The following CFAP57 variants were observed in gnomAD, a reference collection of about 807,000 sequenced individuals.
The protein encoded by CFAP57 is cilia- and flagella-associated protein 57.
Under a neutral mutation model 146.8 loss-of-function variants are expected in CFAP57, and 116 were observed. The observed-to-expected ratio is 0.79, with a 90% confidence interval of 0.68 to 0.92. The LOEUF is 0.92. CFAP57 is among the 40% of genes least tolerant of loss of function. The pLI, the probability that CFAP57 is intolerant of heterozygous loss-of-function variation, is 0.00. For missense variants in CFAP57, 1,377 were observed against 1,527.2 expected (o/e 0.90, Z 1.64); for synonymous variants, 518 against 552.8 (o/e 0.94, Z 0.88).
intron 6 of CFAP57, among the ~76,000 whole-genome samples, chr1:43,195,842 T>C (rs1643844158): frequency 6.6e-6 from 1 of 152,202 alleles, no homozygotes; most frequent in South Asian, 2.1e-4. Context: ...GGTGCCTACT[T>C]ATCATAGGGA....
chr1:43,172,424 G>A lies in CFAP57; in HGVS notation c.-49G>A, dbSNP rs1447626691. ...ACAGGTAGCGCCTCTGGATACATGC[G>A]TGGTCTGCTGACCCAGAGAGAAACG... On this transcript the variant is annotated 5_prime_UTR_variant, in exon 1 of 23. In the 5' UTR this introduces an upstream ATG that the reference lacks. Transcript: ENST00000372492. 3.2e-6 allele frequency: 5 copies of A among 1,551,132 alleles called. No individual in the cohort carries two copies. Among genetic ancestry groups the A allele is most frequent in the Middle Eastern group, 1.7e-4 (1 of 5,966 alleles).
intron 12 of CFAP57, among the ~76,000 whole-genome samples, chr1:43,218,100 C>T (rs1273430530): frequency 6.6e-6 from 1 of 152,176 alleles, no homozygotes; most frequent in Non-Finnish European, 1.5e-5. Flanking sequence ...GTGCGTAATC[C>T]ATTCCTTGAT....
intron 15 of CFAP57, 52 bp downstream of exon 15, chr1:43,222,347 AT>A: frequency 8.0e-6 from 11 of 1,375,328 alleles, no homozygotes; most frequent in Non-Finnish European, 1.0e-5. Flanking sequence ...AAAGCCACCC[AT>A]TCACTCAGAT....
chr1:43,243,290 C>G lies in CFAP57; in HGVS notation c.3469C>G (p.Gln1157Glu), dbSNP rs1645995560. Residue 1157 changes from glutamine to glutamate, a missense_variant, in exon 22 of 23, where the codon CAA (glutamine) becomes GAA (glutamate). Transcript: ENST00000372492. ...CAGGGAGCTGAAGTTCACTCGGTCC[C>G]AAGTCTATGACCTTGAAGCAGCTCT... is the stretch of plus-strand genomic sequence containing the variant. ...LRRELKFTRS[Q>E]VYDLEAALKL... 6.5e-7 allele frequency: 1 copy of G among 1,549,986 alleles called. No homozygotes were observed.
At position 43,209,858 on chromosome 1, in the gene CFAP57, C is replaced by T. The variant is rs780313533; in HGVS notation, c.1871C>T (p.Pro624Leu). The T allele has an allele frequency of 3.7e-6, 6 of 1,614,248 alleles. No homozygotes were observed. Among genetic ancestry groups the T allele is most frequent in the South Asian group, 2.2e-5 (2 of 91,090 alleles). ...SVGTIRAMKY[P>L]LPLQKEFNEY... ...GGAACCATTCGTGCCATGAAGTACCCTCTGCCTCTGCAGAAGGAATTCAAT... is the reference window on the plus strand; with the variant it reads ...GGAACCATTCGTGCCATGAAGTACCTTCTGCCTCTGCAGAAGGAATTCAAT... Residue 624 changes from proline to leucine, a missense_variant, in exon 11 of 23, where the codon CCT (proline) becomes CTT (leucine). By Grantham distance (98) the Pro-to-Leu change is moderately conservative (BLOSUM62 -3). Coordinates refer to ENST00000372492, the MANE Select transcript of CFAP57 (RefSeq NM_001378189.1).
intron 10 of CFAP57, among the ~76,000 whole-genome samples, chr1:43,208,734 G>A (rs1241807408): frequency 6.6e-6 from 1 of 152,032 alleles, no homozygotes; most frequent in Non-Finnish European, 1.5e-5. Context: ...CATGGCACAT[G>A]TATACATATG....
intron 11 of CFAP57, among the ~76,000 whole-genome samples, chr1:43,213,710 A>G (rs996962102): frequency 2.0e-5 from 3 of 152,100 alleles, no homozygotes; most frequent in Non-Finnish European, 4.4e-5. Flanking sequence ...CATTCTTGCC[A>G]GAATCTGTTA....
In CFAP57 at chr1:43,232,075, A is replaced by G. The variant is rs771998324; in HGVS notation, c.3010-433A>G. The G allele has an allele frequency of 3.1e-4, 218 of 701,646 alleles. 1 individual carries two copies. Among genetic ancestry groups the G allele is most frequent in the Middle Eastern group, 9.2e-4 (4 of 4,362 alleles). The allele number at this position is 701,646 out of a possible 1,614,324, so 43.5% of individuals were successfully genotyped here. On this transcript the variant is annotated intron_variant, in intron 18 of 22. Transcript: ENST00000372492. Reference sequence around the variant, plus strand: ...AAACTTTCTGCTTTAGAATGACCCCATTCTAAAGTGGCCCCAGAGGGTCGA... The same window carrying G: ...AAACTTTCTGCTTTAGAATGACCCCGTTCTAAAGTGGCCCCAGAGGGTCGA...
At chr1:43,173,911 C>G (rs1645072677) in intron 2 of CFAP57, among the ~76,000 whole-genome samples, 1 of 152,172 alleles carries the variant, frequency 6.6e-6, no homozygotes, top group Non-Finnish European at 1.5e-5. Flanking sequence ...CCTCAGCAAC[C>G]CTGCCAACCC....
chr1:43,174,743 G>A (rs1645105841), intron 2 of CFAP57, among the ~76,000 whole-genome samples: 1 of 152,192 alleles, frequency 6.6e-6, no homozygotes. Context: ...TTGAACCCGG[G>A]AGGCAGAGGT....
intron 21 of CFAP57, among the ~76,000 whole-genome samples, chr1:43,240,651 G>T (rs1217859719): frequency 6.6e-6 from 1 of 152,184 alleles, no homozygotes; most frequent in Non-Finnish European, 1.5e-5. Flanking sequence ...GAGACAGAGA[G>T]ATTTCATTAC....
At chr1:43,189,028 G>C (rs1051156127) in intron 6 of CFAP57, among the ~76,000 whole-genome samples, 27 of 152,208 alleles carry the variant, frequency 1.8e-4, no homozygotes. Context: ...TCTCCATTGA[G>C]TAGTCTTGGC....
chr1:43,192,616 T>TC (rs1295558436), intron 6 of CFAP57, among the ~76,000 whole-genome samples: 1 of 138,222 alleles, frequency 7.2e-6, no homozygotes, highest in Non-Finnish European at 1.6e-5. Flanking sequence ...AGAGTGAAAC[T>TC]CCATCTCAAA....
chr1:43,241,653 A>G (rs977625683), intron 21 of CFAP57, among the ~76,000 whole-genome samples: 31 of 152,200 alleles, frequency 2.0e-4, no homozygotes, highest in Non-Finnish European at 4.3e-4. Context: ...TCTGGTATAC[A>G]GACCCTCAGG....
intron 18 of CFAP57, chr1:43,232,180 C>T (rs564374710): frequency 1.5e-6 from 1 of 668,724 alleles, no homozygotes; most frequent in African/African-American, 1.8e-5. Context: ...AGTTGAGGTT[C>T]TAGTGCTTGG....
chr1:43,172,575 A>ACCCCG (rs1645009587), intron 1 of CFAP57, 122 bp downstream of exon 1: 2 of 344,536 alleles, frequency 5.8e-6, no homozygotes, highest in East Asian at 3.4e-4. Flanking sequence ...GGGAGGGGAA[A>ACCCCG]GGGGAGGGAC....
chr1:43,184,020 C>T (rs1002154495), intron 4 of CFAP57, 143 bp downstream of exon 4: 4 of 984,464 alleles, frequency 4.1e-6, no homozygotes, highest in Admixed American at 4.5e-5. Context: ...CTCTAGTTTT[C>T]GTCTATATTT....
In CFAP57 at chr1:43,201,688, T is replaced by C. The variant is rs1644129565; in HGVS notation, c.1542+2185T>C. Among the ~76,000 whole-genome samples the C allele has an allele frequency of 6.6e-6, 1 of 152,206 alleles. No individual in the cohort carries two copies. Among genetic ancestry groups the C allele is most frequent in the Non-Finnish European group, 1.5e-5 (1 of 68,048 alleles). ...TGGAGTGCAATGGCACAATCTCAGC[T>C]CACCGCAACCTCCGCCTCCCAGGTT... On this transcript the variant is annotated intron_variant, in intron 9 of 22. Coordinates refer to ENST00000372492, the MANE Select transcript of CFAP57 (RefSeq NM_001378189.1). This position sits in a 1 kb window ranked among gnomAD's most constrained non-coding sequence, Gnocchi z 4.4.
intron 9 of CFAP57, among the ~76,000 whole-genome samples, chr1:43,204,255 G>C (rs1324168918): frequency 6.6e-6 from 1 of 152,030 alleles, no homozygotes. Flanking sequence ...TTATTTAAGC[G>C]TAGTTTCCTT....
Sources: gnomAD v4.1 joint callset for allele counts (sites outside exome capture counted in the v4.1 genomes callset) on GRCh38, gnomAD v4.1.1 for gene constraint, Gnocchi (gnomAD v3.1) non-coding constraint, MANE v1.5 for transcripts, NCBI Gene and HGNC (gene_info 2026-07-23, HGNC 2026-07-21) for gene names.